TBC1D5: variants seen among roughly 807,000 people sequenced by gnomAD.
The protein encoded by TBC1D5 is TBC1 domain family, member 5.
A neutral mutation model predicts 100.3 loss-of-function variants in TBC1D5; 75 were observed. That is an observed-to-expected ratio of 0.75 (90% CI 0.62 to 0.91). TBC1D5 has a LOEUF of 0.91. TBC1D5 is among the 40% of genes least tolerant of loss of function. The pLI is 0.00. For synonymous variants in TBC1D5, 323 were observed against 325.6 expected, an observed-to-expected ratio of 0.99 and a Z score of 0.09; for missense variants, 910 against 942.4, an observed-to-expected ratio of 0.97 and a Z score of 0.45.
intron 16 of TBC1D5, among the ~76,000 whole-genome samples, chr3:17,256,805 G>A (rs1350134941): frequency 6.6e-6 from 1 of 152,168 alleles, no homozygotes; most frequent in African/African-American, 2.4e-5. Context: ...TGATGGGATA[G>A]AGTGAATAGG....
At chr3:17,178,475 G>T (rs1365052661) in intron 19 of TBC1D5, among the ~76,000 whole-genome samples, 1 of 152,064 alleles carries the variant, frequency 6.6e-6, no homozygotes, top group African/African-American at 2.4e-5. Flanking sequence ...AAAAAACATG[G>T]GAGTGCAGAT....
intron 15 of TBC1D5, among the ~76,000 whole-genome samples, chr3:17,267,572 A>T (rs1285432898): frequency 6.6e-6 from 1 of 152,158 alleles, no homozygotes; most frequent in Non-Finnish European, 1.5e-5. Context: ...TATCATTGCA[A>T]ATTTTTATTT....
At chr3:17,585,957 A>C (rs1250026408) in intron 2 of TBC1D5, among the ~76,000 whole-genome samples, 1 of 152,150 alleles carries the variant, frequency 6.6e-6, no homozygotes, top group East Asian at 1.9e-4. Context: ...TTCTTTAAGA[A>C]ATGGTGGGGG....
exon 17 of TBC1D5, chr3:17,238,397 G>T: frequency 6.2e-7 from 1 of 1,613,292 alleles, no homozygotes; most frequent in Non-Finnish European, 8.5e-7. Context: ...TTTATATTCA[G>T]GGGAGCACCT....
In TBC1D5 at chr3:17,271,641, G is replaced by A. The variant is rs1051473724; in HGVS notation, c.1246-13050C>T. Among the ~76,000 whole-genome samples the A allele has an allele frequency of 2.0e-5, 3 of 152,148 alleles. No individual in the cohort carries two copies. In the South Asian group the frequency reaches 6.2e-4, roughly 32 times the overall value. ...CTTTGGCTAGGACTTCCAGTACTAT[G>A]TTGAATAGGAGTGGCAAGAGTGGGC... On this transcript the variant is annotated intron_variant, in intron 15 of 21. Coordinates refer to ENST00000253692, the Ensembl canonical transcript of TBC1D5.
chr3:17,677,525 G>T (rs1248384650), intron 1 of TBC1D5, among the ~76,000 whole-genome samples: 2 of 152,150 alleles, frequency 1.3e-5, no homozygotes, highest in Admixed American at 1.3e-4. Flanking sequence ...TGGAGAAATA[G>T]GAACACTTTT....
chr3:17,461,029 C>T (rs1407763963), intron 3 of TBC1D5, among the ~76,000 whole-genome samples: 5 of 152,120 alleles, frequency 3.3e-5, no homozygotes, highest in Admixed American at 3.3e-4. Context: ...TTGGATTATG[C>T]ACCACAATAT....
At chr3:17,332,059 G>A (rs2086942281) in intron 13 of TBC1D5, among the ~76,000 whole-genome samples, 1 of 152,174 alleles carries the variant, frequency 6.6e-6, no homozygotes, top group Non-Finnish European at 1.5e-5. Flanking sequence ...GGCCAATTTT[G>A]CTGCTGTGTG....
At chr3:17,626,895 A>C (rs2063109703) in intron 1 of TBC1D5, among the ~76,000 whole-genome samples, 2 of 152,204 alleles carry the variant, frequency 1.3e-5, no homozygotes, top group African/African-American at 4.8e-5. Context: ...CTCAAATACC[A>C]GGCTGGAAAG....
intron 3 of TBC1D5, among the ~76,000 whole-genome samples, chr3:17,489,067 C>T (rs1343713112): frequency 4.6e-5 from 7 of 151,734 alleles, no homozygotes; most frequent in East Asian, 1.9e-4. Context: ...GTGCCAAAAA[C>T]GCTGGGGACT....
Position 17,336,090 on chromosome 3 carries a change from ATAT to A in TBC1D5, c.996-27959_996-27957del, listed in dbSNP as rs200462477. 4.2e-3 allele frequency among the ~76,000 whole-genome samples: 633 copies of A among 152,234 alleles called. 3 individuals carry two copies. The highest frequency in any genetic ancestry group is 0.014 in the African/African-American group (596 of 41,538). On this transcript the variant is annotated intron_variant, in intron 13 of 21. Transcript: ENST00000253692. The stretch of plus-strand genomic sequence containing the variant: ...CTAGTGACATATTTAATCCCCTAGT[ATAT>A]TATTATTAAAACAATAACATTAAAA...
intron 3 of TBC1D5, among the ~76,000 whole-genome samples, chr3:17,490,713 G>A (rs1273459874): frequency 2.0e-5 from 3 of 152,128 alleles, no homozygotes; most frequent in Non-Finnish European, 4.4e-5. Flanking sequence ...GTTGGTTACT[G>A]TAGCTTTGTA....
chr3:17,524,370 T>C (rs1398311100), intron 2 of TBC1D5, among the ~76,000 whole-genome samples: 3 of 152,194 alleles, frequency 2.0e-5, no homozygotes, highest in Non-Finnish European at 4.4e-5. Flanking sequence ...ACTATCAAAA[T>C]TACTAATGCA....
intron 4 of TBC1D5, among the ~76,000 whole-genome samples, chr3:17,416,292 C>G (rs2094068684): frequency 6.6e-6 from 1 of 152,156 alleles, no homozygotes; most frequent in Non-Finnish European, 1.5e-5. Flanking sequence ...AAGCACTGAC[C>G]ATACATAGTT....
intron 3 of TBC1D5, among the ~76,000 whole-genome samples, chr3:17,493,841 G>T (rs2095668737): frequency 6.6e-6 from 1 of 152,222 alleles, no homozygotes; most frequent in South Asian, 2.1e-4. Context: ...TTTTATCATA[G>T]TTCTTAGCTT....
At chr3:17,424,393 A>C (rs1216307487) in intron 4 of TBC1D5, among the ~76,000 whole-genome samples, 1 of 152,220 alleles carries the variant, frequency 6.6e-6, no homozygotes, top group African/African-American at 2.4e-5. Flanking sequence ...CATCTTCAGC[A>C]AACTGATAAT....
chr3:17,549,953 G>A (rs773813396), intron 2 of TBC1D5, among the ~76,000 whole-genome samples: 3 of 149,462 alleles, frequency 2.0e-5, no homozygotes, highest in Non-Finnish European at 3.0e-5. Context: ...AATAATAATA[G>A]TAATAATAAG....
chr3:17,538,102 C>T (rs2096302882), intron 2 of TBC1D5, among the ~76,000 whole-genome samples: 1 of 152,102 alleles, frequency 6.6e-6, no homozygotes, highest in South Asian at 2.1e-4. Context: ...GGTAGTTAGG[C>T]AGATATGGAC....
At chr3:17,291,590 C>T (rs190196299) in intron 15 of TBC1D5, among the ~76,000 whole-genome samples, 1 of 152,248 alleles carries the variant, frequency 6.6e-6, no homozygotes, top group African/African-American at 2.4e-5. Flanking sequence ...TACAGTTTGG[C>T]TGTAAGGAGA....
Sources: gnomAD v4.1 joint callset for allele counts (sites outside exome capture counted in the v4.1 genomes callset) on GRCh38, gnomAD v4.1.1 for gene constraint, MANE v1.5 for transcripts, NCBI Gene and HGNC (gene_info 2026-07-23, HGNC 2026-07-21) for gene names.